Variants in SEC23A observed in about 807,000 individuals in gnomAD.
SEC23A encodes the protein SEC23 homolog A, COPII component, also known as protein transport protein Sec23A.
Under a neutral mutation model 103.7 loss-of-function variants are expected in SEC23A, and 56 were observed. The observed-to-expected ratio is 0.54, with a 90% CI of 0.44 to 0.67. The LOEUF (loss-of-function observed/expected upper bound fraction) is 0.67, where lower values mean the gene tolerates loss of function less well. Among genes scored for constraint, SEC23A ranks in the 30% least tolerant of loss-of-function variants. The pLI is 0.00. For missense variants in SEC23A, 784 were observed against 936.4 expected (o/e 0.84, Z 2.12); for synonymous variants, 281 against 293.0 (o/e 0.96, Z 0.42).
chr14:39,092,136 A>G (rs1887685241), intron 4 of SEC23A, among the ~76,000 whole-genome samples: 1 of 152,238 alleles, frequency 6.6e-6, no homozygotes, highest in African/African-American at 2.4e-5. Flanking sequence ...GTAAACAACT[A>G]TGGTTAAGTA....
chr14:39,044,691 G>T (rs897031319), intron 16 of SEC23A, among the ~76,000 whole-genome samples: 3 of 152,146 alleles, frequency 2.0e-5, no homozygotes, highest in Non-Finnish European at 4.4e-5. Flanking sequence ...TTCTAAGCAT[G>T]TGTCTTTATA....
Position 39,059,278 on chromosome 14 carries a change from T to TAAA in SEC23A, c.1505+2484_1505+2486dup, listed in dbSNP as rs750853379. Among the ~76,000 whole-genome samples, 599 of 71,666 alleles carry TAAA rather than the reference T, an allele frequency of 8.4e-3. 10 individuals carry two copies. The highest frequency in any genetic ancestry group is 0.057 in the Middle Eastern group (4 of 70). 47.0% of individuals were successfully genotyped at this position (71,666 alleles called of 152,430 possible). A position where few individuals can be genotyped will look rare whatever the true frequency, so the allele number is the denominator to read the frequency against. ...GGCCCCTAAAGTCATAGTCCTAGTT[T>TAAA]AAAAAAAAAAAAAAAAAAAAAAAAA... On this transcript the variant is annotated intron_variant, in intron 13 of 19. Transcript: ENST00000307712.
chr14:39,074,777 C>A, intron 8 of SEC23A, among the ~76,000 whole-genome samples: 1 of 152,212 alleles, frequency 6.6e-6, no homozygotes, highest in Admixed American at 6.5e-5. Context: ...TAAAGAAAGT[C>A]CTATTGCATA....
intron 17 of SEC23A, 133 bp from the exon 18 acceptor site, chr14:39,041,020 A>T (rs921708570): frequency 9.3e-5 from 87 of 936,834 alleles, no homozygotes; most frequent in Middle Eastern, 3.5e-4. Context: ...TCAATTTTTT[A>T]AAAGTTACAA....
chr14:39,067,038 A>T (rs1173881398), intron 10 of SEC23A, 135 bp downstream of exon 10: 6 of 1,043,674 alleles, frequency 5.7e-6, no homozygotes, highest in South Asian at 1.3e-5. Context: ...AAAATCTCTA[A>T]CTCAGGTTTC....
intron 1 of SEC23A, among the ~76,000 whole-genome samples, chr14:39,099,447 C>T (rs959065189): frequency 2.0e-5 from 3 of 151,866 alleles, no homozygotes; most frequent in Admixed American, 6.6e-5. Flanking sequence ...CTTGAGGCAC[C>T]GCTCCCCGCC....
chr14:39,080,453 C>T (rs1179637849), intron 7 of SEC23A, among the ~76,000 whole-genome samples: 1 of 152,176 alleles, frequency 6.6e-6, no homozygotes, highest in Non-Finnish European at 1.5e-5. Flanking sequence ...GTCGGCCAGG[C>T]TGGAGTGCAG....
intron 9 of SEC23A, among the ~76,000 whole-genome samples, chr14:39,068,431 A>C (rs1886744335): frequency 6.6e-6 from 1 of 152,230 alleles, no homozygotes. Flanking sequence ...GAAAAACAAA[A>C]TATATTCACA....
At position 39,092,558 on chromosome 14, in the gene SEC23A, T is replaced by C. The variant is rs1887698247; in HGVS notation, c.349A>G (p.Ile117Val). 1.2e-6 allele frequency: 2 copies of C among 1,605,254 alleles called. No homozygotes were observed. Among genetic ancestry groups the C allele is most frequent in the Non-Finnish European group, 1.7e-6 (2 of 1,172,788 alleles). ...GTTCTTACCAGAACTACATATTCAATGCTAGAAAACTGAGGTAAAAGTTCA... is the reference window on the plus strand; with the variant it reads ...GTTCTTACCAGAACTACATATTCAACGCTAGAAAACTGAGGTAAAAGTTCA... ...PAELLPQFSS[I>V]EYVVLRGPQM... is the part of the protein sequence containing the mutation. The change falls in exon 4 of 20, where the codon ATT (isoleucine) becomes GTT (valine). Residue 117 changes from isoleucine (I) to valine (V), a missense_variant. Physicochemically the swap from Ile to Val is conservative, Grantham distance 29. This residue lies in a region of SEC23A where 683 missense variants were observed against 774.2 expected (regional missense o/e 0.88). Transcript: ENST00000307712.
intron 14 of SEC23A, among the ~76,000 whole-genome samples, chr14:39,053,119 G>C (rs572505343): frequency 6.6e-6 from 1 of 152,240 alleles, no homozygotes; most frequent in East Asian, 1.9e-4. Flanking sequence ...TGGGCAACAA[G>C]AGCCAAACTC....
chr14:39,078,368 C>T (rs767627395), intron 7 of SEC23A, among the ~76,000 whole-genome samples: 3 of 152,096 alleles, frequency 2.0e-5, no homozygotes, highest in East Asian at 1.9e-4. Context: ...AAAGAATCAA[C>T]GAAACACATC....
At chr14:39,089,453 CCTCT>C (rs1201780143) in intron 5 of SEC23A, among the ~76,000 whole-genome samples, 2 of 152,098 alleles carry the variant, frequency 1.3e-5, no homozygotes, top group Non-Finnish European at 2.9e-5. Context: ...ACATGATTCT[CCTCT>C]CTAAGGTACT....
At chr14:39,092,430 C>T in intron 4 of SEC23A, 111 bp downstream of exon 4, 3 of 727,706 alleles carry the variant, frequency 4.1e-6, no homozygotes, top group East Asian at 2.8e-5. Flanking sequence ...TGAAATGTTC[C>T]ATCAAATCAA....
In SEC23A at chr14:39,094,446, T is replaced by A. The variant is rs1366417083; in HGVS notation, c.222-1202A>T. Among the ~76,000 whole-genome samples, 200 of 37,728 alleles carry A rather than the reference T, an allele frequency of 5.3e-3. 20 individuals are homozygous for A. The highest frequency in any genetic ancestry group is 9.9e-3 in the South Asian group (11 of 1,110). 24.8% of individuals were successfully genotyped at this position (37,728 alleles called of 152,430 possible). A position where few individuals can be genotyped will look rare whatever the true frequency, so the allele number is the denominator to read the frequency against. On this transcript the variant is annotated intron_variant, in intron 2 of 19. Coordinates refer to ENST00000307712, the MANE Select transcript of SEC23A (RefSeq NM_006364.4). ...TATATATATATATATATATATATTT[T>A]TTTTTTTTTTTTTTCCCCTCCTGTA... is the stretch of plus-strand genomic sequence containing the variant.
rs1053603015 is a variant in SEC23A at position 39,063,193 on chromosome 14, T to G, written c.1398+131A>C. The G allele has an allele frequency of 3.0e-5, 18 of 608,668 alleles. No individual in the cohort carries two copies. In the African/African-American group the frequency reaches 3.3e-4, roughly 11 times the overall value. The allele number at this position is 608,668 out of a possible 1,614,324, so 37.7% of individuals were successfully genotyped here. A position where few individuals can be genotyped will look rare whatever the true frequency, so the allele number is the denominator to read the frequency against. On this transcript the variant is annotated intron_variant, in intron 12 of 19. Coordinates refer to ENST00000307712, the MANE Select transcript of SEC23A (RefSeq NM_006364.4). Reference sequence around the variant, plus strand: ...AAAAATAAAAAACGACAAATATAAATTCCAATACAGAAAATAAATGTTGGG... The same window carrying G: ...AAAAATAAAAAACGACAAATATAAAGTCCAATACAGAAAATAAATGTTGGG...
At chr14:39,063,265 G>A in intron 12 of SEC23A, 59 bp downstream of exon 12, 2 of 1,003,344 alleles carry the variant, frequency 2.0e-6, no homozygotes, top group Non-Finnish European at 3.2e-6. Context: ...ATGGCCTAAA[G>A]TAAGTACTTA....
At chr14:39,049,763 G>C (rs1036700928) in intron 14 of SEC23A, among the ~76,000 whole-genome samples, 4 of 151,018 alleles carry the variant, frequency 2.6e-5, no homozygotes, top group African/African-American at 9.7e-5. Context: ...CTGGGAGACA[G>C]AGCGAGATTC....
At chr14:39,063,251 A>C in intron 12 of SEC23A, 73 bp downstream of exon 12, 1,071 of 731,226 alleles carry the variant, frequency 1.5e-3, no homozygotes, top group Non-Finnish European at 2.3e-3. Flanking sequence ...AATATGAACT[A>C]TTCATGGCCT....
At chr14:39,037,394 C>T (rs1318203549) in intron 19 of SEC23A, among the ~76,000 whole-genome samples, 1 of 152,170 alleles carries the variant, frequency 6.6e-6, no homozygotes, top group East Asian at 1.9e-4. Context: ...TGTTTCCCCT[C>T]ACCTGTTTTT....
Sources: gnomAD v4.1 joint callset for allele counts (sites outside exome capture counted in the v4.1 genomes callset) on GRCh38, gnomAD v4.1.1 for gene constraint, gnomAD v4.1.1 regional missense constraint, MANE v1.5 for transcripts, NCBI Gene and HGNC (gene_info 2026-07-23, HGNC 2026-07-21) for gene names.